The following CNOT1 variants were observed in gnomAD, a reference collection of about 807,000 sequenced individuals.
CNOT1 encodes CCR4-NOT transcription complex subunit 1.
Under a neutral mutation model 273.8 loss-of-function variants are expected in CNOT1, and 15 were observed. The ratio of observed to expected loss-of-function variants is 0.05; its 90% CI spans 0.04 to 0.08. The LOEUF (loss-of-function observed/expected upper bound fraction) is 0.08, where lower values mean the gene tolerates loss of function less well. Ranked by LOEUF, CNOT1 falls within the 10% of genes least tolerant of loss-of-function variation. The pLI, the probability that CNOT1 is intolerant of heterozygous loss-of-function variation, is 1.00. For synonymous variants in CNOT1, 1,022 were observed against 1,005.5 expected (o/e 1.02, Z -0.31); for missense variants, 1,644 against 2,912.2 (o/e 0.56, Z 10.02).
intron 34 of CNOT1, among the ~76,000 whole-genome samples, chr16:58,540,349 T>C (rs246196): frequency 0.25 from 37,508 of 152,138 alleles, 5,041 homozygotes; most frequent in East Asian, 0.38. Flanking sequence ...AGTCCAACTG[T>C]CAAAGCCTGA....
At chr16:58,561,213 A>G (rs926390309) in intron 16 of CNOT1, among the ~76,000 whole-genome samples, 1 of 152,208 alleles carries the variant, frequency 6.6e-6, no homozygotes, top group African/African-American at 2.4e-5. Flanking sequence ...GCATGTAGCT[A>G]AATTTCTGCC....
At chr16:58,534,002 T>C in intron 40 of CNOT1, 145 bp downstream of exon 40, 1 of 1,085,568 alleles carries the variant, frequency 9.2e-7, no homozygotes. Context: ...CATGCCTGTA[T>C]TCCCAGCTAC....
At chr16:58,611,049 T>A (rs988658867) in intron 1 of CNOT1, among the ~76,000 whole-genome samples, 1 of 151,352 alleles carries the variant, frequency 6.6e-6, no homozygotes, top group Non-Finnish European at 1.5e-5. Flanking sequence ...AATAAATAAA[T>A]TTAAAAAATG....
chr16:58,561,051 G>A (rs1313966497), intron 16 of CNOT1, among the ~76,000 whole-genome samples: 1 of 152,198 alleles, frequency 6.6e-6, no homozygotes, highest in African/African-American at 2.4e-5. Context: ...TGGATGTCAT[G>A]GCATGTGCCT....
At chr16:58,606,535 G>A (rs2042682795) in intron 1 of CNOT1, among the ~76,000 whole-genome samples, 1 of 152,180 alleles carries the variant, frequency 6.6e-6, no homozygotes, top group Admixed American at 6.6e-5. Context: ...AGGCGCACCG[G>A]CTCACGCCTG....
chr16:58,619,893 CCA>C (rs1352570512), intron 1 of CNOT1, among the ~76,000 whole-genome samples: 1 of 151,930 alleles, frequency 6.6e-6, no homozygotes, highest in Non-Finnish European at 1.5e-5. Context: ...CAAGAAATTG[CCA>C]AGATGTAAAT....
At chr16:58,557,858 C>T (rs1190525833) in intron 18 of CNOT1, among the ~76,000 whole-genome samples, 3 of 151,902 alleles carry the variant, frequency 2.0e-5, no homozygotes, top group African/African-American at 7.3e-5. Flanking sequence ...GGCATGGTGG[C>T]GGGCACCTGT....
intron 2 of CNOT1, among the ~76,000 whole-genome samples, chr16:58,591,405 G>A (rs1406101990): frequency 6.6e-6 from 1 of 152,092 alleles, no homozygotes; most frequent in Non-Finnish European, 1.5e-5. Flanking sequence ...TTCCCATGCA[G>A]ATTATACAAT....
intron 2 of CNOT1, among the ~76,000 whole-genome samples, chr16:58,593,951 GA>G (rs1381903025): frequency 3.3e-5 from 5 of 151,890 alleles, no homozygotes; most frequent in African/African-American, 1.2e-4. Context: ...TATATTAAAT[GA>G]AAAAAGGCAA....
intron 40 of CNOT1, 42 bp from the exon 41 acceptor site, chr16:58,532,437 A>G: frequency 6.3e-7 from 1 of 1,598,348 alleles, no homozygotes; most frequent in East Asian, 2.2e-5. Flanking sequence ...CATTCAGATA[A>G]TCCACTCACC....
intron 1 of CNOT1, among the ~76,000 whole-genome samples, chr16:58,625,851 C>T (rs1395164893): frequency 3.6e-5 from 4 of 110,414 alleles, no homozygotes; most frequent in Non-Finnish European, 5.3e-5. Context: ...AAGTGAAACC[C>T]TGTCTCAAAA....
intron 39 of CNOT1, among the ~76,000 whole-genome samples, chr16:58,536,566 T>G (rs2039937284): frequency 6.6e-6 from 1 of 152,188 alleles, no homozygotes; most frequent in African/African-American, 2.4e-5. Context: ...TAGGTAGATA[T>G]TTAAATTAGA....
intron 39 of CNOT1, among the ~76,000 whole-genome samples, chr16:58,535,442 C>A (rs1178452688): frequency 1.3e-5 from 2 of 152,150 alleles, no homozygotes; most frequent in Non-Finnish European, 2.9e-5. Flanking sequence ...CAAAACAGCA[C>A]AGAAAAGTAT....
At chr16:58,589,759 C>A (rs894880769) in intron 2 of CNOT1, among the ~76,000 whole-genome samples, 1 of 152,098 alleles carries the variant, frequency 6.6e-6, no homozygotes, top group Non-Finnish European at 1.5e-5. Context: ...CCATAAGATC[C>A]GACTTCAGTG....
chr16:58,524,369 A>T (rs568726189), intron 46 of CNOT1, among the ~76,000 whole-genome samples: 4 of 151,626 alleles, frequency 2.6e-5, no homozygotes, highest in African/African-American at 9.7e-5. Flanking sequence ...GTATTATCTT[A>T]ATTGGGTTTG....
At position 58,590,120 on chromosome 16, in the gene CNOT1, G is replaced by A. The variant is rs138040989; in HGVS notation, c.103-1214C>T. 2.8e-3 allele frequency among the ~76,000 whole-genome samples: 420 copies of A among 152,234 alleles called. 8 individuals carry two copies. The East Asian group carries it at 0.076, about 28-fold the overall frequency. ...CACAGTGTATGTGCAGAGTAATCAC[G>A]TTTGCTAAGAGCCACATACTACCTA... On this transcript the variant is annotated intron_variant, in intron 2 of 48. Transcript: ENST00000317147.
chr16:58,574,708 A>T lies in CNOT1; in HGVS notation c.1880T>A (p.Ile627Asn). 1.9e-6 allele frequency: 3 copies of T among 1,608,198 alleles called. No individual in the cohort carries two copies. The highest frequency in any genetic ancestry group is 2.5e-6 in the Non-Finnish European group (3 of 1,178,940). The change falls in exon 16 of 49, where the codon ATT (isoleucine) becomes AAT (asparagine). Residue 627 changes from isoleucine (I) to asparagine (N), a missense_variant. By Grantham distance (149) the Ile-to-Asn change is moderately radical. This residue lies in a region of CNOT1 where 706 missense variants were observed against 1,021.2 expected (regional missense o/e 0.69). Coordinates refer to ENST00000317147, the MANE Select transcript of CNOT1 (RefSeq NM_016284.5). ...TTTTTCTGGGGCAAGTCCGCCCAAA[A>T]TAGAAGGACACCGTCTCTTTAAAAA... ...MTFLKRRCPS[I>N]LGGLAPEKDQ...
chr16:58,551,496 C>T (rs556576140), intron 23 of CNOT1, 93 bp downstream of exon 23: 2 of 1,385,102 alleles, frequency 1.4e-6, no homozygotes, highest in Admixed American at 1.9e-5. Context: ...TTTTAGTAGG[C>T]ATGTGTTATG....
In CNOT1 at chr16:58,582,786, T is replaced by C; in HGVS notation, c.1044+7A>G. The C allele has an allele frequency of 2.3e-6, 3 of 1,314,452 alleles. No homozygotes were observed. Among genetic ancestry groups the C allele is most frequent in the Non-Finnish European group, 3.3e-6 (3 of 906,512 alleles). 81.4% of individuals were successfully genotyped at this position (1,314,452 alleles called of 1,614,324 possible). ...ACAAATCAAAAATCATCATCACATA[T>C]ACTCACCAGTTCTTTAAGAACGTCA... On this transcript the variant is annotated splice_region_variant and intron_variant, in intron 10 of 48. Transcript: ENST00000317147.
Sources: allele counts gnomAD v4.1 joint callset (sites outside exome capture counted in the v4.1 genomes callset), GRCh38; gene constraint gnomAD v4.1.1; regional missense constraint gnomAD v4.1.1; transcripts MANE v1.5; gene names NCBI Gene and HGNC (gene_info 2026-07-23, HGNC 2026-07-21).